Variants in SNTG1 observed in about 807,000 individuals in gnomAD.
SNTG1 encodes gamma-1-syntrophin.
A neutral mutation model predicts 74.7 loss-of-function variants in SNTG1; 39 were observed. The observed-to-expected ratio is 0.52, with a 90% CI of 0.40 to 0.68. The LOEUF is 0.68. Among genes scored for constraint, SNTG1 ranks in the 30% least tolerant of loss-of-function variants. The pLI is 0.00. For missense variants in SNTG1, 685 were observed against 609.5 expected, an observed-to-expected ratio of 1.12 and a Z score of -1.30; for synonymous variants, 254 against 217.1, an observed-to-expected ratio of 1.17 and a Z score of -1.49.
intron 13 of SNTG1, among the ~76,000 whole-genome samples, chr8:50,634,520 A>C (rs2131133006): frequency 6.6e-6 from 1 of 152,352 alleles, no homozygotes; most frequent in Admixed American, 6.5e-5. Flanking sequence ...ATTTACATGC[A>C]GTTCTAAGAA....
intron 1 of SNTG1, among the ~76,000 whole-genome samples, chr8:50,004,850 C>G (rs1466473718): frequency 6.6e-6 from 1 of 152,050 alleles, no homozygotes; most frequent in Non-Finnish European, 1.5e-5. Flanking sequence ...AGAATGAACC[C>G]GACACACAAA....
At chr8:50,310,293 G>T (rs183970670) in intron 2 of SNTG1, among the ~76,000 whole-genome samples, 124 of 152,208 alleles carry the variant, frequency 8.1e-4, no homozygotes, top group African/African-American at 3.0e-3. Context: ...CAATTTCAAA[G>T]AATAAAGATT....
chr8:50,629,327 T>C (rs1286502827), intron 13 of SNTG1, among the ~76,000 whole-genome samples: 1 of 152,156 alleles, frequency 6.6e-6, no homozygotes, highest in Non-Finnish European at 1.5e-5. Context: ...AAATAATATT[T>C]TCTGTTCGTC....
intron 1 of SNTG1, among the ~76,000 whole-genome samples, chr8:50,030,491 T>C (rs1817650951): frequency 1.3e-5 from 2 of 152,112 alleles, no homozygotes; most frequent in African/African-American, 4.8e-5. Context: ...TACATTTTAA[T>C]TTATAATCCA....
intron 13 of SNTG1, among the ~76,000 whole-genome samples, chr8:50,593,299 C>T (rs2094704311): frequency 1.3e-5 from 2 of 152,138 alleles, no homozygotes; most frequent in Non-Finnish European, 2.9e-5. Context: ...CTCTGCCACA[C>T]TCCAGAATGC....
chr8:50,729,800 C>T (rs2095508546), intron 17 of SNTG1, among the ~76,000 whole-genome samples: 1 of 152,146 alleles, frequency 6.6e-6, no homozygotes, highest in African/African-American at 2.4e-5. Context: ...AAGGGGAATT[C>T]TGAAGCTTTG....
At chr8:50,058,279 G>A (rs540460122) in intron 1 of SNTG1, among the ~76,000 whole-genome samples, 4 of 152,220 alleles carry the variant, frequency 2.6e-5, no homozygotes, top group African/African-American at 9.6e-5. Context: ...GTATATAGAT[G>A]TTTATATGAT....
intron 1 of SNTG1, among the ~76,000 whole-genome samples, chr8:49,964,326 C>T (rs1314327921): frequency 2.6e-5 from 4 of 152,174 alleles, no homozygotes; most frequent in Non-Finnish European, 5.9e-5. Context: ...CATCTCTGCC[C>T]TGGGTCTGCA....
chr8:50,319,475 T>C (rs2090444901), intron 2 of SNTG1, among the ~76,000 whole-genome samples: 1 of 152,208 alleles, frequency 6.6e-6, no homozygotes, highest in Admixed American at 6.5e-5. Context: ...TAGGGAAGTC[T>C]TTAGGTTGTT....
At chr8:50,722,971 C>A (rs1308505008) in intron 17 of SNTG1, among the ~76,000 whole-genome samples, 3 of 152,086 alleles carry the variant, frequency 2.0e-5, no homozygotes, top group African/African-American at 7.2e-5. Context: ...ATTACATATT[C>A]TATTCTATAG....
chr8:50,447,292 G>C (rs1563399232), intron 5 of SNTG1, among the ~76,000 whole-genome samples: 1 of 152,194 alleles, frequency 6.6e-6, no homozygotes, highest in African/African-American at 2.4e-5. Flanking sequence ...AGCAGAATAA[G>C]AGAAAAGGGT....
At chr8:50,042,968 G>C (rs10095475) in intron 1 of SNTG1, among the ~76,000 whole-genome samples, 133,309 of 152,230 alleles carry the variant, frequency 0.88, 58,465 homozygotes, top group East Asian at 0.99. Flanking sequence ...ACACAGGCAT[G>C]AGCCATTGAG....
At chr8:50,200,708 C>T (rs946669901) in intron 2 of SNTG1, among the ~76,000 whole-genome samples, 1 of 151,910 alleles carries the variant, frequency 6.6e-6, no homozygotes, top group African/African-American at 2.4e-5. Flanking sequence ...ACTAGAAAGG[C>T]AATTTCAGAA....
chr8:50,407,097 T>G (rs1379557145), intron 4 of SNTG1, among the ~76,000 whole-genome samples: 1 of 152,190 alleles, frequency 6.6e-6, no homozygotes, highest in Non-Finnish European at 1.5e-5. Context: ...TTGTGTTGTA[T>G]TGCCACAATA....
intron 5 of SNTG1, 89 bp downstream of exon 5, chr8:50,438,688 G>C (rs2093329839): frequency 3.6e-6 from 4 of 1,106,084 alleles, no homozygotes; most frequent in Non-Finnish European, 5.4e-6. Context: ...TTAATAATTA[G>C]ACAAGGATGG....
At chr8:50,241,294 A>G (rs1250908431) in intron 2 of SNTG1, among the ~76,000 whole-genome samples, 1 of 152,254 alleles carries the variant, frequency 6.6e-6, no homozygotes, top group East Asian at 1.9e-4. Flanking sequence ...ATATATAGAA[A>G]GAAGAGCAGA....
intron 12 of SNTG1, among the ~76,000 whole-genome samples, chr8:50,576,783 G>A (rs2094579134): frequency 6.6e-6 from 1 of 151,846 alleles, no homozygotes; most frequent in Non-Finnish European, 1.5e-5. Flanking sequence ...ACATAGAAAT[G>A]CAATTTATTT....
chr8:50,180,523 C>A (rs1054170571), intron 2 of SNTG1, among the ~76,000 whole-genome samples: 3 of 152,024 alleles, frequency 2.0e-5, no homozygotes, highest in African/African-American at 7.2e-5. Flanking sequence ...TGCCACTGAG[C>A]TATATACTTT....
chr8:50,701,840 CCTT>C (rs1223137022), intron 15 of SNTG1, among the ~76,000 whole-genome samples: 1 of 147,294 alleles, frequency 6.8e-6, no homozygotes, highest in Non-Finnish European at 1.5e-5. Context: ...TCCTCCTCCT[CCTT>C]CTCCCTCTTC....
Sources: gnomAD v4.1 joint callset for allele counts (sites outside exome capture counted in the v4.1 genomes callset) on GRCh38, gnomAD v4.1.1 for gene constraint, MANE v1.5 for transcripts, NCBI Gene and HGNC (gene_info 2026-07-23, HGNC 2026-07-21) for gene names.